CCDC158: variants seen among roughly 807,000 people sequenced by gnomAD.
CCDC158 encodes the protein coiled-coil domain-containing protein 158.
CCDC158 carries 116 observed loss-of-function variants against 138.6 expected under a neutral mutation model. That is an observed-to-expected ratio of 0.84 (90% CI 0.72 to 0.98). CCDC158 has a LOEUF of 0.98. Ranked by LOEUF, CCDC158 falls within the 50% of genes least tolerant of loss-of-function variation. The probability of loss-of-function intolerance (pLI) is 0.00; values close to 1 mark genes in which losing one functional copy is unlikely to be tolerated. For missense variants in CCDC158, 1,265 were observed against 1,306.1 expected, an observed-to-expected ratio of 0.97 and a Z score of 0.48; for synonymous variants, 436 against 442.4, an observed-to-expected ratio of 0.99 and a Z score of 0.18.
chr4:76,380,163 T>C lies in CCDC158; in HGVS notation c.915-759A>G, dbSNP rs116876598. On this transcript the variant is annotated intron_variant, in intron 8 of 24. Transcript: ENST00000682701. ...GTACCAGGAGAGTGGGGCACTGCTA[T>C]AAAGATATCTGAAAATGTGAAAGTG... Among the ~76,000 whole-genome samples the C allele has an allele frequency of 3.5e-4, 54 of 152,230 alleles. 1 individual carries two copies. In the East Asian group the frequency reaches 6.0e-3, roughly 17 times the overall value.
intron 9 of CCDC158, among the ~76,000 whole-genome samples, chr4:76,378,150 A>G (rs1382747460): frequency 1.3e-5 from 2 of 152,144 alleles, no homozygotes; most frequent in African/African-American, 4.8e-5. Context: ...ATGTTGAGGT[A>G]TCTTATTTCC....
intron 15 of CCDC158, among the ~76,000 whole-genome samples, chr4:76,354,881 C>T (rs924405645): frequency 6.6e-6 from 1 of 152,178 alleles, no homozygotes; most frequent in African/African-American, 2.4e-5. Context: ...TTATATATTT[C>T]TTAACAATTT....
chr4:76,369,751 T>C, intron 10 of CCDC158, 128 bp from the exon 11 acceptor site: 1 of 760,996 alleles, frequency 1.3e-6, no homozygotes, highest in Non-Finnish European at 2.1e-6. Context: ...ATCTGATTCC[T>C]TTTTAATGGC....
At chr4:76,353,348 A>G in intron 15 of CCDC158, 67 bp from the exon 16 acceptor site, 2 of 1,305,714 alleles carry the variant, frequency 1.5e-6, no homozygotes, top group Non-Finnish European at 2.1e-6. Flanking sequence ...GGTAATGGAA[A>G]TATAAAATTC....
intron 1 of CCDC158, among the ~76,000 whole-genome samples, chr4:76,419,110 C>G (rs909389054): frequency 1.3e-5 from 2 of 152,066 alleles, no homozygotes; most frequent in African/African-American, 4.8e-5. Flanking sequence ...CCACTTTTTA[C>G]CTTTATTCTT....
intron 8 of CCDC158, among the ~76,000 whole-genome samples, chr4:76,379,641 T>A (rs1424181347): frequency 6.6e-6 from 1 of 152,140 alleles, no homozygotes; most frequent in Non-Finnish European, 1.5e-5. Flanking sequence ...TCTACTTTTG[T>A]ATATGATAGA....
Position 76,382,633 on chromosome 4 carries a change from G to T in CCDC158, c.891C>A (p.Ile297=). 6.2e-7 allele frequency: 1 copy of T among 1,610,824 alleles called. No individual in the cohort carries two copies. The highest frequency in any genetic ancestry group is 8.5e-7 in the Non-Finnish European group (1 of 1,177,342). ...ASSARSQANS[I]QSQMEIIQEQ... ...ACTGAATGATTTCCATTTGACTCTGGATACTATTGGCTTGGCTTCGAGCAC... is the reference window on the plus strand; with the variant it reads ...ACTGAATGATTTCCATTTGACTCTGTATACTATTGGCTTGGCTTCGAGCAC... The change falls in exon 8 of 25, where the codon ATC becomes ATA. Residue 297 remains isoleucine (I), a synonymous_variant. Transcript: ENST00000682701.
At chr4:76,348,152 C>T (rs754803824) in intron 18 of CCDC158, among the ~76,000 whole-genome samples, 17 of 150,974 alleles carry the variant, frequency 1.1e-4, no homozygotes, top group African/African-American at 7.3e-5. Flanking sequence ...ATGCCGGGCG[C>T]GGTGGCTCAG....
At chr4:76,355,240 G>A in intron 15 of CCDC158, 84 bp downstream of exon 15, 1 of 849,758 alleles carries the variant, frequency 1.2e-6, no homozygotes. Context: ...CCTTGCACTT[G>A]CATCTCTGCT....
At position 76,351,597 on chromosome 4, in the gene CCDC158, A is replaced by T. The variant is rs1476792380; in HGVS notation, c.2538+123T>A. 21 of 640,040 alleles carry T rather than the reference A, an allele frequency of 3.3e-5. No individual in the cohort carries two copies. The East Asian group carries it at 5.2e-4, about 16-fold the overall frequency. The allele number at this position is 640,040 out of a possible 1,614,324, so 39.6% of individuals were successfully genotyped here. On this transcript the variant is annotated intron_variant, in intron 17 of 24. Transcript: ENST00000682701. ...ACAATGTACACATCTTATCATTGCT[A>T]TTAATAGTATCAAGTAATGTTGAAA...
chr4:76,403,413 G>T, intron 2 of CCDC158, 133 bp from the exon 3 acceptor site: 1 of 413,964 alleles, frequency 2.4e-6, no homozygotes, highest in Non-Finnish European at 4.2e-6. Flanking sequence ...TATTTATACA[G>T]AAATACATTA....
At chr4:76,366,831 T>C (rs886986477) in intron 12 of CCDC158, among the ~76,000 whole-genome samples, 2 of 152,212 alleles carry the variant, frequency 1.3e-5, no homozygotes, top group East Asian at 1.9e-4. Flanking sequence ...CATTCCTTGA[T>C]ATATACTTTC....
intron 12 of CCDC158, among the ~76,000 whole-genome samples, chr4:76,366,167 C>T (rs1019980530): frequency 5.9e-5 from 9 of 152,186 alleles, no homozygotes; most frequent in African/African-American, 2.2e-4. Flanking sequence ...TGCCCTGCAT[C>T]ACACCTGTTC....
In CCDC158 at chr4:76,325,756, T is replaced by G. The variant is rs1720461517; in HGVS notation, c.3169+101A>C. 4 of 956,504 alleles carry G rather than the reference T, an allele frequency of 4.2e-6. No homozygotes were observed. In the South Asian group the frequency reaches 5.4e-5, roughly 13 times the overall value. The allele number at this position is 956,504 out of a possible 1,614,324, so 59.3% of individuals were successfully genotyped here. ...CACAGAATCAGTTAGAGCTTACACA[T>G]AAGAGCAGCATGCAAAACCTTAATT... On this transcript the variant is annotated intron_variant, in intron 23 of 24. Transcript: ENST00000682701.
At chr4:76,416,951 C>T (rs2109931126) in intron 1 of CCDC158, among the ~76,000 whole-genome samples, 1 of 152,312 alleles carries the variant, frequency 6.6e-6, no homozygotes. Context: ...CCACCATCCT[C>T]CAGACCCCAG....
intron 4 of CCDC158, among the ~76,000 whole-genome samples, chr4:76,391,112 T>A (rs1441413986): frequency 6.6e-6 from 1 of 152,020 alleles, no homozygotes; most frequent in African/African-American, 2.4e-5. Flanking sequence ...AAACCTAATC[T>A]GTACTATAGA....
intron 24 of CCDC158, among the ~76,000 whole-genome samples, chr4:76,313,542 G>A (rs1231571859): frequency 5.3e-5 from 8 of 152,008 alleles, no homozygotes; most frequent in East Asian, 1.9e-4. Flanking sequence ...CTCCTGCCTC[G>A]GTCTCCCAAA....
chr4:76,324,195 T>TC (rs1455923198), intron 23 of CCDC158, among the ~76,000 whole-genome samples: 1 of 151,386 alleles, frequency 6.6e-6, no homozygotes, highest in Admixed American at 6.6e-5. Context: ...TTGGAGAGTT[T>TC]CTTTTTTTTT....
intron 2 of CCDC158, among the ~76,000 whole-genome samples, chr4:76,405,190 G>C (rs28578183): frequency 0.029 from 4,467 of 152,264 alleles, 222 homozygotes; most frequent in African/African-American, 0.1. Context: ...GATTAGACTG[G>C]CACCAGGTTA....
Sources: gnomAD v4.1 joint callset for allele counts (sites outside exome capture counted in the v4.1 genomes callset) on GRCh38, gnomAD v4.1.1 for gene constraint, MANE v1.5 for transcripts, NCBI Gene and HGNC (gene_info 2026-07-23, HGNC 2026-07-21) for gene names.